Variants in PCSK2 observed in about 807,000 individuals in gnomAD.
PCSK2 encodes the protein neuroendocrine convertase 2.
PCSK2 carries 14 observed loss-of-function variants against 69.7 expected under a neutral mutation model. That is an observed-to-expected ratio of 0.20 (90% CI 0.13 to 0.31). PCSK2 has a LOEUF of 0.31. Among genes scored for constraint, PCSK2 ranks in the 10% least tolerant of loss-of-function variants. The pLI, the probability that PCSK2 is intolerant of heterozygous loss-of-function variation, is 1.00. For synonymous variants in PCSK2, 307 were observed against 320.7 expected, an observed-to-expected ratio of 0.96 and a Z score of 0.46; for missense variants, 544 against 842.5, an observed-to-expected ratio of 0.65 and a Z score of 4.39.
At chr20:17,447,041 T>C (rs2032711291) in intron 8 of PCSK2, among the ~76,000 whole-genome samples, 1 of 151,820 alleles carries the variant, frequency 6.6e-6, no homozygotes, top group Non-Finnish European at 1.5e-5. Context: ...TCCCTTGAGG[T>C]CAGGAGTTTG....
intron 2 of PCSK2, among the ~76,000 whole-genome samples, chr20:17,313,845 C>G (rs1004912400): frequency 6.6e-6 from 1 of 152,136 alleles, no homozygotes; most frequent in African/African-American, 2.4e-5. Flanking sequence ...AGCCCCAAAC[C>G]CATTTGAAGA....
intron 11 of PCSK2, among the ~76,000 whole-genome samples, chr20:17,471,313 A>G (rs1041636411): frequency 6.6e-6 from 1 of 152,162 alleles, no homozygotes; most frequent in African/African-American, 2.4e-5. Context: ...TGATCATCCC[A>G]ACATCTCACA....
chr20:17,301,693 G>A (rs1989089152), intron 2 of PCSK2, among the ~76,000 whole-genome samples: 1 of 152,132 alleles, frequency 6.6e-6, no homozygotes, highest in South Asian at 2.1e-4. Flanking sequence ...AACACTTTGG[G>A]AGTCCAAGGC....
At position 17,230,640 on chromosome 20, in the gene PCSK2, A is replaced by C. The variant is rs555563240; in HGVS notation, c.177+3158A>C. Among the ~76,000 whole-genome samples the C allele has an allele frequency of 1.4e-3, 213 of 152,250 alleles. 1 individual carries two copies. The highest frequency in any genetic ancestry group is 4.9e-3 in the African/African-American group (202 of 41,538). On this transcript the variant is annotated intron_variant, in intron 1 of 11. Coordinates refer to ENST00000262545, the MANE Select transcript of PCSK2 (RefSeq NM_002594.5). ...ATTTATTTTCTATTAACACATGAAC[A>C]TGTCATTAGCTAATGGGTACGTGTA...
intron 2 of PCSK2, among the ~76,000 whole-genome samples, chr20:17,280,382 T>A (rs1485196415): frequency 6.6e-6 from 1 of 152,222 alleles, no homozygotes; most frequent in East Asian, 1.9e-4. Context: ...AATTGTTTCT[T>A]TAGGATAGCT....
chr20:17,429,881 CA>C (rs148983423), intron 7 of PCSK2, among the ~76,000 whole-genome samples: 7,789 of 145,808 alleles, frequency 0.053, 442 homozygotes, highest in African/African-American at 0.14. Flanking sequence ...TTTTTAACAG[CA>C]AAAAAAAAAT....
At chr20:17,287,426 C>CATGTCTGTGT (rs1988550654) in intron 2 of PCSK2, among the ~76,000 whole-genome samples, 1 of 102,188 alleles carries the variant, frequency 9.8e-6, no homozygotes, top group Non-Finnish European at 2.0e-5. Flanking sequence ...CCAGCATGTG[C>CATGTCTGTGT]GTGTCTGTGT....
At chr20:17,268,241 T>C (rs1179720796) in intron 2 of PCSK2, among the ~76,000 whole-genome samples, 1 of 151,782 alleles carries the variant, frequency 6.6e-6, no homozygotes, top group Non-Finnish European at 1.5e-5. Flanking sequence ...AATATAACAG[T>C]GAACAAGACA....
intron 11 of PCSK2, chr20:17,479,129 T>C (rs1410779618): frequency 2.9e-6 from 4 of 1,356,034 alleles, no homozygotes; most frequent in Admixed American, 3.4e-5. Flanking sequence ...CAGTTCATGG[T>C]CCAGTTCTCC....
intron 1 of PCSK2, among the ~76,000 whole-genome samples, chr20:17,228,909 G>A (rs1201014794): frequency 6.6e-6 from 1 of 152,166 alleles, no homozygotes; most frequent in Non-Finnish European, 1.5e-5. Flanking sequence ...GGAAAGCGTG[G>A]GTGGAGCAGG....
At chr20:17,413,293 C>A (rs1263859634) in intron 6 of PCSK2, among the ~76,000 whole-genome samples, 1 of 152,066 alleles carries the variant, frequency 6.6e-6, no homozygotes, top group Admixed American at 6.5e-5. Context: ...ACCCATCTCA[C>A]GTGCGGAGAC....
intron 5 of PCSK2, among the ~76,000 whole-genome samples, chr20:17,403,473 C>T (rs2031687972): frequency 6.6e-6 from 1 of 152,196 alleles, no homozygotes; most frequent in South Asian, 2.1e-4. Flanking sequence ...ATTCTTTAGG[C>T]TCTAATGGAC....
intron 5 of PCSK2, among the ~76,000 whole-genome samples, chr20:17,383,122 T>C (rs905445575): frequency 2.6e-5 from 4 of 152,168 alleles, no homozygotes; most frequent in Non-Finnish European, 5.9e-5. Context: ...ACCAAGTGAG[T>C]GGTCAGTAGG....
intron 6 of PCSK2, among the ~76,000 whole-genome samples, chr20:17,418,170 T>C (rs2032043742): frequency 6.6e-6 from 1 of 152,242 alleles, no homozygotes; most frequent in South Asian, 2.1e-4. Flanking sequence ...GTTTTGCATG[T>C]ATTCATTCAA....
At chr20:17,260,881 TG>T (rs1478024015) in intron 2 of PCSK2, among the ~76,000 whole-genome samples, 1 of 152,136 alleles carries the variant, frequency 6.6e-6, no homozygotes, top group Non-Finnish European at 1.5e-5. Flanking sequence ...TTTCTAGCAC[TG>T]ATCTAATTTG....
At chr20:17,299,253 A>G (rs1244039322) in intron 2 of PCSK2, among the ~76,000 whole-genome samples, 1 of 152,090 alleles carries the variant, frequency 6.6e-6, no homozygotes, top group African/African-American at 2.4e-5. Context: ...TTGTTAAGCA[A>G]TTCTCATAAT....
chr20:17,332,804 G>A (rs902322340), intron 2 of PCSK2, among the ~76,000 whole-genome samples: 2 of 152,088 alleles, frequency 1.3e-5, no homozygotes, highest in African/African-American at 4.8e-5. Context: ...TTTCACCGTA[G>A]CATTTGTAAT....
At chr20:17,443,228 A>G (rs1296253206) in intron 8 of PCSK2, among the ~76,000 whole-genome samples, 2 of 152,216 alleles carry the variant, frequency 1.3e-5, no homozygotes, top group Admixed American at 1.3e-4. Context: ...ACGCTTTATT[A>G]CAAGGTTATG....
chr20:17,366,814 G>A (rs183764689), intron 4 of PCSK2, among the ~76,000 whole-genome samples: 77 of 152,106 alleles, frequency 5.1e-4, no homozygotes, highest in Middle Eastern at 3.4e-3. Context: ...ATTTTAATTA[G>A]GCTAAATTTA....
Sources: allele counts gnomAD v4.1 joint callset (sites outside exome capture counted in the v4.1 genomes callset), GRCh38; gene constraint gnomAD v4.1.1; transcripts MANE v1.5; gene names NCBI Gene and HGNC (gene_info 2026-07-23, HGNC 2026-07-21).